The following ATP7B variants were observed in gnomAD, a reference collection of about 807,000 sequenced individuals.
ATP7B encodes the protein copper-transporting ATPase 2.
Under a neutral mutation model 118.9 loss-of-function variants are expected in ATP7B, and 113 were observed. That is an observed-to-expected ratio of 0.95 (90% confidence interval 0.82 to 1.11). ATP7B has a LOEUF of 1.11. ATP7B is among the 50% of genes most tolerant of loss of function. ATP7B has a pLI of 0.00. For missense variants in ATP7B, 1,867 were observed against 1,871.4 expected (o/e 1.00, Z 0.04); for synonymous variants, 777 against 727.4 (o/e 1.07, Z -1.10).
At chr13:51,959,947 C>G in intron 7 of ATP7B, 1 of 641,196 alleles carries the variant, frequency 1.6e-6, no homozygotes, top group Non-Finnish European at 2.7e-6. Flanking sequence ...TTAGTAGTCC[C>G]CCACACTGGG....
chr13:51,999,562 GA>G (rs1052488143), intron 1 of ATP7B, among the ~76,000 whole-genome samples: 6 of 152,180 alleles, frequency 3.9e-5, no homozygotes, highest in African/African-American at 1.4e-4. Flanking sequence ...TGGGATTATC[GA>G]AAAGTAAAAG....
intron 1 of ATP7B, among the ~76,000 whole-genome samples, chr13:51,986,604 T>C (rs1053623805): frequency 2.0e-5 from 3 of 151,934 alleles, no homozygotes; most frequent in South Asian, 2.1e-4. Context: ...CTTGCAGAGA[T>C]AGAACAAAAA....
In ATP7B at chr13:51,942,509, C is replaced by T. The variant is rs1957397136; in HGVS notation, c.3289G>A (p.Val1097Met). ...TLGYCTDFQA[V>M]PGCGIGCKVS... The stretch of plus-strand genomic sequence containing the variant: ...TTGCACCCAATTCCACAGCCTGGCA[C>T]TGCCTGGAAGTCCGTGCAGTATCCC... Residue 1097 changes from valine (V) to methionine (M), a missense_variant, in exon 15 of 21, where the codon GTG (valine) becomes ATG (methionine). Transcript: ENST00000242839. 6.2e-7 allele frequency: 1 copy of T among 1,614,186 alleles called. No individual in the cohort carries two copies. The highest frequency in any genetic ancestry group is 1.3e-5 in the African/African-American group (1 of 75,040).
rs1170076300 is a variant in ATP7B, at chr13:51,932,741, C to CA, written c.*2014dup. The CA allele has an allele frequency of 1.3e-5, 2 of 152,070 alleles. No individual in the cohort carries two copies. The highest frequency in any genetic ancestry group is 1.9e-4 in the East Asian group (1 of 5,166). 9.4% of individuals were successfully genotyped at this position (152,070 alleles called of 1,614,324 possible). A position where few individuals can be genotyped will look rare whatever the true frequency, so the allele number is the denominator to read the frequency against. The stretch of plus-strand genomic sequence containing the variant: ...TTTTGAAGTAGAAATGATTATCTGA[C>CA]AAAAAAACTCCTTACACTTTGACCA... On this transcript the variant is annotated 3_prime_UTR_variant, in exon 21 of 21. Coordinates refer to ENST00000242839, the MANE Select transcript of ATP7B (RefSeq NM_000053.4).
At chr13:51,964,525 C>T (rs563034347) in intron 5 of ATP7B, among the ~76,000 whole-genome samples, 1 of 152,264 alleles carries the variant, frequency 6.6e-6, no homozygotes, top group Admixed American at 6.5e-5. Flanking sequence ...TCTACAGATA[C>T]TTCGTTTGGG....
At chr13:51,969,584 GTTTTACA>G (rs1951741325) in intron 3 of ATP7B, among the ~76,000 whole-genome samples, 1 of 152,096 alleles carries the variant, frequency 6.6e-6, no homozygotes, top group Non-Finnish European at 1.5e-5. Flanking sequence ...TATTGTGTTA[GTTTTACA>G]TGGGAAAAAA....
intron 20 of ATP7B, 143 bp from the exon 21 acceptor site, chr13:51,935,172 A>G: frequency 8.1e-7 from 1 of 1,231,750 alleles, no homozygotes; most frequent in Non-Finnish European, 1.1e-6. Context: ...AAGGACATTA[A>G]ACTCCCTATG....
intron 1 of ATP7B, among the ~76,000 whole-genome samples, chr13:51,990,549 C>T (rs925762375): frequency 1.3e-5 from 2 of 152,198 alleles, no homozygotes; most frequent in Non-Finnish European, 1.5e-5. Context: ...AAGAACTACA[C>T]TTCTATACTT....
At chr13:51,989,450 C>A (rs1326871219) in intron 1 of ATP7B, among the ~76,000 whole-genome samples, 2 of 151,914 alleles carry the variant, frequency 1.3e-5, no homozygotes, top group East Asian at 3.9e-4. Flanking sequence ...CTATTCATTG[C>A]CTATTTGCTT....
intron 9 of ATP7B, among the ~76,000 whole-genome samples, chr13:51,952,382 G>T (rs1466189326): frequency 6.6e-6 from 1 of 152,220 alleles, no homozygotes; most frequent in Non-Finnish European, 1.5e-5. Flanking sequence ...AGGGCTCTGA[G>T]GTTATTTTAC....
At chr13:51,986,174 T>C (rs1159642821) in intron 1 of ATP7B, among the ~76,000 whole-genome samples, 1 of 151,920 alleles carries the variant, frequency 6.6e-6, no homozygotes, top group Non-Finnish European at 1.5e-5. Context: ...CTAGCCAGAC[T>C]AATAAAGAAG....
At chr13:51,969,713 C>T (rs1253731662) in intron 3 of ATP7B, among the ~76,000 whole-genome samples, 1 of 152,144 alleles carries the variant, frequency 6.6e-6, no homozygotes, top group Non-Finnish European at 1.5e-5. Flanking sequence ...AGATTATAGG[C>T]TAATTTTATG....
At chr13:51,948,943 G>T (rs1957824956) in intron 12 of ATP7B, among the ~76,000 whole-genome samples, 2 of 152,312 alleles carry the variant, frequency 1.3e-5, no homozygotes, top group South Asian at 4.1e-4. Flanking sequence ...ACTTTAGGAG[G>T]CCGAGACAGG....
rs148297631 is a variant in ATP7B at position 51,963,924 on chromosome 13, C to A, written c.1869+948G>T. 5.0e-3 allele frequency among the ~76,000 whole-genome samples: 763 copies of A among 151,426 alleles called. 10 individuals carry two copies. Among genetic ancestry groups the A allele is most frequent in the African/African-American group, 0.017 (707 of 41,226 alleles). On this transcript the variant is annotated intron_variant, in intron 5 of 20. Transcript: ENST00000242839. ...AAAATTAGCCAGGCATGGCGGTGCACGCCTGTAGTCCCAGCTACTGGGGAG... is the reference window on the plus strand; with the variant it reads ...AAAATTAGCCAGGCATGGCGGTGCAAGCCTGTAGTCCCAGCTACTGGGGAG...
At chr13:52,001,448 T>C (rs112571278) in intron 1 of ATP7B, among the ~76,000 whole-genome samples, 2,904 of 152,232 alleles carry the variant, frequency 0.019, 80 homozygotes, top group Admixed American at 0.083. Flanking sequence ...CCTTACTCAT[T>C]CTGAAACAGT....
rs780613139 is a variant in ATP7B at position 51,934,882 on chromosome 13, A to G, written c.4272T>C (p.Tyr1424=). The G allele has an allele frequency of 3.1e-6, 5 of 1,614,208 alleles. No individual in the cohort carries two copies. The South Asian group carries it at 3.3e-5, about 11-fold the overall frequency. Residue 1424 remains tyrosine (Y), a synonymous_variant, in exon 21 of 21, where the codon TAT becomes TAC. Transcript: ENST00000242839. ...GGGAGGACAGCGACACCTGGCTGAC[A>G]TAGCTGACCTGGTCCCATGGTGTGG... ...PRATPWDQVS[Y]VSQVSLSSLT... is the part of the protein sequence containing the mutation.
At chr13:51,957,638 C>T in intron 8 of ATP7B, 31 bp from the exon 9 acceptor site, 4 of 1,602,234 alleles carry the variant, frequency 2.5e-6, no homozygotes, top group Non-Finnish European at 3.4e-6. Context: ...GAAATGAGAG[C>T]TATCGAAAGC....
chr13:51,970,487 C>T lies in ATP7B; in HGVS notation c.1543+5G>A. 6.2e-7 allele frequency: 1 copy of T among 1,614,216 alleles called. No homozygotes were observed. Among genetic ancestry groups the T allele is most frequent in the Non-Finnish European group, 8.5e-7 (1 of 1,180,032 alleles). On this transcript the variant is annotated splice_donor_5th_base_variant and intron_variant, in intron 3 of 20. Coordinates refer to ENST00000242839, the MANE Select transcript of ATP7B (RefSeq NM_000053.4). ...CTAAGTTCAACATGGGCGTTCATCTCTTACCAGCTTCTTTCTGCAGATTCC... is the reference window on the plus strand; with the variant it reads ...CTAAGTTCAACATGGGCGTTCATCTTTTACCAGCTTCTTTCTGCAGATTCC...
chr13:52,001,126 A>T (rs1048727570), intron 1 of ATP7B, among the ~76,000 whole-genome samples: 3 of 152,184 alleles, frequency 2.0e-5, no homozygotes, highest in Non-Finnish European at 2.9e-5. Context: ...CACCAACAAA[A>T]TGCATCCAGC....
Sources: allele counts gnomAD v4.1 joint callset (sites outside exome capture counted in the v4.1 genomes callset), GRCh38; gene constraint gnomAD v4.1.1; transcripts MANE v1.5; gene names NCBI Gene and HGNC (gene_info 2026-07-23, HGNC 2026-07-21).